CSMD3: variants seen among roughly 807,000 people sequenced by gnomAD.
CSMD3 encodes CUB and sushi domain-containing protein 3.
A neutral mutation model predicts 435.2 loss-of-function variants in CSMD3; 177 were observed. That is an observed-to-expected ratio of 0.41 (90% CI 0.36 to 0.46). The LOEUF (loss-of-function observed/expected upper bound fraction) is 0.46. Ranked by LOEUF, CSMD3 falls within the 20% of genes least tolerant of loss-of-function variation. CSMD3 has a pLI of 0.34. For missense variants in CSMD3, 4,265 were observed against 4,504.6 expected, an observed-to-expected ratio of 0.95 and a Z score of 1.52; for synonymous variants, 1,656 against 1,520.5, an observed-to-expected ratio of 1.09 and a Z score of -2.07.
At chr8:112,895,026 C>T (rs2081911337) in intron 10 of CSMD3, among the ~76,000 whole-genome samples, 1 of 151,270 alleles carries the variant, frequency 6.6e-6, no homozygotes, top group Admixed American at 6.6e-5. Flanking sequence ...GGCTATAAGG[C>T]TAAGTAATGT....
intron 22 of CSMD3, among the ~76,000 whole-genome samples, chr8:112,625,283 A>G (rs1454716271): frequency 6.6e-6 from 1 of 152,100 alleles, no homozygotes; most frequent in Admixed American, 6.6e-5. Context: ...AGTATTTTAC[A>G]CAAGCACATT....
chr8:113,193,223 A>C (rs1365537231), intron 3 of CSMD3, among the ~76,000 whole-genome samples: 2 of 151,204 alleles, frequency 1.3e-5, no homozygotes, highest in African/African-American at 4.8e-5. Context: ...TCTGAGACCT[A>C]CTATTCAGAG....
At chr8:112,522,247 C>A (rs1170061225) in intron 27 of CSMD3, among the ~76,000 whole-genome samples, 1 of 151,700 alleles carries the variant, frequency 6.6e-6, no homozygotes, top group African/African-American at 2.4e-5. Flanking sequence ...AAAAGTAATG[C>A]AATTTTCTAA....
intron 1 of CSMD3, among the ~76,000 whole-genome samples, chr8:113,316,229 G>A (rs2093908809): frequency 6.6e-6 from 1 of 152,124 alleles, no homozygotes; most frequent in Non-Finnish European, 1.5e-5. Context: ...GGAAGCTGAA[G>A]TGCCAGAAGC....
At chr8:113,411,941 C>T (rs939666668) in intron 1 of CSMD3, among the ~76,000 whole-genome samples, 15 of 152,062 alleles carry the variant, frequency 9.9e-5, no homozygotes, top group South Asian at 2.1e-4. Flanking sequence ...AGCCAAAATA[C>T]GTGAGTTGAA....
At chr8:112,533,753 C>T (rs1169695194) in intron 27 of CSMD3, among the ~76,000 whole-genome samples, 2 of 152,104 alleles carry the variant, frequency 1.3e-5, no homozygotes, top group East Asian at 3.9e-4. Flanking sequence ...AATAAAACTA[C>T]ACTGCACACC....
intron 40 of CSMD3, among the ~76,000 whole-genome samples, chr8:112,347,178 A>C (rs1272924885): frequency 6.6e-6 from 1 of 152,188 alleles, no homozygotes; most frequent in Non-Finnish European, 1.5e-5. Context: ...TACTATCAAT[A>C]AGGTAAGCAA....
chr8:112,287,156 T>C lies in CSMD3; in HGVS notation c.9239A>G (p.Tyr3080Cys). The change falls in exon 58 of 71, where the codon TAT becomes TGT. Residue 3080 changes from tyrosine (Y) to cysteine (C), a missense_variant. Coordinates refer to ENST00000297405, the MANE Select transcript of CSMD3 (RefSeq NM_198123.2). ...AAGGATGTAACCAGTATCACAAGCA[T>C]AACGTACAGTACTTTTAGTTCTGAA... is the stretch of plus-strand genomic sequence containing the variant. Reference protein sequence around the residue: ...SNFRTKSTVRYACDTGYILHG... With the variant: ...SNFRTKSTVRCACDTGYILHG... 3 of 1,613,790 alleles carry C rather than the reference T, an allele frequency of 1.9e-6. No individual in the cohort carries two copies. Among genetic ancestry groups the C allele is most frequent in the South Asian group, 1.1e-5 (1 of 91,084 alleles).
intron 4 of CSMD3, among the ~76,000 whole-genome samples, 185 bp from the exon 5 acceptor site, chr8:113,099,148 C>T (rs1009155094): frequency 6.6e-6 from 1 of 151,802 alleles, no homozygotes; most frequent in African/African-American, 2.4e-5. Flanking sequence ...AGCACATATA[C>T]AAGTATAAAG....
At chr8:112,592,274 G>A (rs1334202549) in intron 22 of CSMD3, among the ~76,000 whole-genome samples, 4 of 151,892 alleles carry the variant, frequency 2.6e-5, no homozygotes, top group African/African-American at 9.7e-5. Context: ...CCCCTACTGA[G>A]AATATGAGAA....
intron 24 of CSMD3, among the ~76,000 whole-genome samples, chr8:112,564,706 C>A (rs1287336735): frequency 6.6e-6 from 1 of 151,970 alleles, no homozygotes; most frequent in Non-Finnish European, 1.5e-5. Context: ...CTTTAATTGG[C>A]AGAATCTAAG....
At chr8:112,826,254 C>T (rs1285925894) in intron 12 of CSMD3, among the ~76,000 whole-genome samples, 1 of 152,098 alleles carries the variant, frequency 6.6e-6, no homozygotes, top group Admixed American at 6.5e-5. Flanking sequence ...GCCCTGGGAG[C>T]TTAGTGTGTT....
intron 3 of CSMD3, among the ~76,000 whole-genome samples, chr8:113,259,536 G>A (rs1007501169): frequency 6.6e-6 from 1 of 152,116 alleles, no homozygotes; most frequent in East Asian, 1.9e-4. Flanking sequence ...TTATTTTAGA[G>A]ACTGGTGTAG....
intron 1 of CSMD3, among the ~76,000 whole-genome samples, chr8:113,351,329 C>T (rs1030744125): frequency 1.3e-5 from 2 of 152,070 alleles, no homozygotes; most frequent in Non-Finnish European, 2.9e-5. Flanking sequence ...AAACCCCAAA[C>T]AGTTAAATGA....
At chr8:113,369,274 TTAGA>T (rs2094332825) in intron 1 of CSMD3, among the ~76,000 whole-genome samples, 1 of 151,970 alleles carries the variant, frequency 6.6e-6, no homozygotes, top group South Asian at 2.1e-4. Flanking sequence ...ATCCAAATTA[TTAGA>T]TAAATTCTTA....
At chr8:113,287,007 T>C (rs2093651597) in intron 2 of CSMD3, among the ~76,000 whole-genome samples, 2 of 151,940 alleles carry the variant, frequency 1.3e-5, no homozygotes, top group African/African-American at 2.4e-5. Flanking sequence ...GTGGTACTAT[T>C]ACAAACTCTC....
At position 112,307,289 on chromosome 8, in the gene CSMD3, ATTGT is replaced by A. The variant is rs1338722245; in HGVS notation, c.7886-1101_7886-1098del. Among the ~76,000 whole-genome samples the A allele has an allele frequency of 7.2e-5, 11 of 151,850 alleles. No individual in the cohort carries two copies. In the South Asian group the frequency reaches 1.2e-3, roughly 17 times the overall value. On this transcript the variant is annotated intron_variant, in intron 50 of 70. Coordinates refer to ENST00000297405, the MANE Select transcript of CSMD3 (RefSeq NM_198123.2). ...AGGTGCGTACCACCATACTTGGCCA[ATTGT>A]TTGTTTGAGACACAGTACTACTCTT...
intron 3 of CSMD3, among the ~76,000 whole-genome samples, chr8:113,254,698 A>G (rs7818333): frequency 2.0e-5 from 3 of 152,202 alleles, no homozygotes; most frequent in Admixed American, 2.0e-4. Context: ...ATGAAGTTGT[A>G]TATGCCTAAA....
intron 3 of CSMD3, among the ~76,000 whole-genome samples, chr8:113,218,871 C>T (rs1470867794): frequency 2.0e-5 from 3 of 151,036 alleles, no homozygotes; most frequent in Non-Finnish European, 4.4e-5. Context: ...GGATCCAAGT[C>T]TAAACACAAA....
Sources: gnomAD v4.1 joint callset for allele counts (sites outside exome capture counted in the v4.1 genomes callset) on GRCh38, gnomAD v4.1.1 for gene constraint, MANE v1.5 for transcripts, NCBI Gene and HGNC (gene_info 2026-07-23, HGNC 2026-07-21) for gene names.